Variants in SMYD3 observed in about 807,000 individuals in gnomAD.
SMYD3 encodes histone-lysine N-methyltransferase SMYD3.
Under a neutral mutation model 57.7 loss-of-function variants are expected in SMYD3, and 36 were observed. The ratio of observed to expected loss-of-function variants is 0.62; its 90% CI spans 0.48 to 0.82. The LOEUF (loss-of-function observed/expected upper bound fraction) is 0.82. SMYD3 is among the 40% of genes least tolerant of loss of function. The probability of loss-of-function intolerance (pLI) is 0.00; values close to 1 mark genes in which losing one functional copy is unlikely to be tolerated. For missense variants in SMYD3, 515 were observed against 538.8 expected (o/e 0.96, Z 0.44); for synonymous variants, 211 against 195.0 (o/e 1.08, Z -0.68).
At chr1:246,150,250 A>G (rs2061920512) in intron 5 of SMYD3, among the ~76,000 whole-genome samples, 1 of 152,222 alleles carries the variant, frequency 6.6e-6, no homozygotes, top group African/African-American at 2.4e-5. Flanking sequence ...CTTGTGTACT[A>G]TAGACTATAA....
intron 5 of SMYD3, among the ~76,000 whole-genome samples, chr1:246,273,135 CTTT>C (rs71299006): frequency 3.7e-5 from 4 of 107,604 alleles, no homozygotes; most frequent in East Asian, 3.1e-4. Context: ...TCCCTGTTTT[CTTT>C]TTTTTTTTTT....
At chr1:246,174,040 T>C (rs2062390950) in intron 5 of SMYD3, among the ~76,000 whole-genome samples, 2 of 152,104 alleles carry the variant, frequency 1.3e-5, no homozygotes, top group South Asian at 2.1e-4. Flanking sequence ...AAACTCCTTA[T>C]GTCAAGCAAT....
chr1:245,835,413 C>T (rs1342721450), intron 10 of SMYD3, among the ~76,000 whole-genome samples: 2 of 152,028 alleles, frequency 1.3e-5, no homozygotes, highest in East Asian at 1.9e-4. Context: ...CCACCGTGCC[C>T]GGCCCCTGAG....
At chr1:246,319,003 T>C (rs555997175) in intron 5 of SMYD3, among the ~76,000 whole-genome samples, 1 of 152,312 alleles carries the variant, frequency 6.6e-6, no homozygotes, top group South Asian at 2.1e-4. Flanking sequence ...TCATTAAAAA[T>C]CCAAACAATG....
intron 5 of SMYD3, among the ~76,000 whole-genome samples, chr1:246,081,140 C>T (rs1001708977): frequency 1.3e-5 from 2 of 152,214 alleles, no homozygotes; most frequent in African/African-American, 4.8e-5. Flanking sequence ...GAAAGATTTA[C>T]ATAGCGTCCA....
At chr1:245,978,082 C>G (rs952533678) in intron 5 of SMYD3, among the ~76,000 whole-genome samples, 1 of 152,220 alleles carries the variant, frequency 6.6e-6, no homozygotes, top group South Asian at 2.1e-4. Flanking sequence ...TACACCAGCA[C>G]GCCTGGCTCT....
chr1:246,004,590 C>T (rs2059137887), intron 5 of SMYD3, among the ~76,000 whole-genome samples: 1 of 152,242 alleles, frequency 6.6e-6, no homozygotes, highest in Non-Finnish European at 1.5e-5. Context: ...GGCTGGCTCC[C>T]TCACCAAAGG....
intron 2 of SMYD3, among the ~76,000 whole-genome samples, chr1:246,352,749 C>T (rs529365853): frequency 6.6e-6 from 1 of 152,336 alleles, no homozygotes; most frequent in South Asian, 2.1e-4. Flanking sequence ...TCCTGCTACT[C>T]ATTCTAATCA....
intron 10 of SMYD3, among the ~76,000 whole-genome samples, chr1:245,830,730 T>C (rs2049786703): frequency 6.6e-6 from 1 of 152,170 alleles, no homozygotes; most frequent in Non-Finnish European, 1.5e-5. Flanking sequence ...CACCCACTAA[T>C]AAGATTTACA....
chr1:245,805,247 A>C (rs565030899), intron 10 of SMYD3, among the ~76,000 whole-genome samples: 1 of 152,120 alleles, frequency 6.6e-6, no homozygotes, highest in South Asian at 2.1e-4. Context: ...TCATAATCAA[A>C]TGTTGATAAT....
At chr1:246,170,215 A>G (rs1042432269) in intron 5 of SMYD3, among the ~76,000 whole-genome samples, 1 of 152,096 alleles carries the variant, frequency 6.6e-6, no homozygotes, top group Non-Finnish European at 1.5e-5. Flanking sequence ...AGAATTTAAC[A>G]CAATGATTTT....
intron 10 of SMYD3, among the ~76,000 whole-genome samples, chr1:245,801,417 T>C: frequency 6.6e-6 from 1 of 152,200 alleles, no homozygotes; most frequent in East Asian, 1.9e-4. Flanking sequence ...TAACTAAACT[T>C]ACTTCTTGTC....
chr1:246,004,261 A>C (rs1377323227), intron 5 of SMYD3, among the ~76,000 whole-genome samples: 2 of 152,180 alleles, frequency 1.3e-5, no homozygotes, highest in Admixed American at 1.3e-4. Flanking sequence ...CTCATTTCTG[A>C]TTTGTTTTAT....
At chr1:246,412,956 G>A (rs2067001958) in intron 1 of SMYD3, among the ~76,000 whole-genome samples, 1 of 151,974 alleles carries the variant, frequency 6.6e-6, no homozygotes, top group Admixed American at 6.6e-5. Flanking sequence ...CTAATTACCT[G>A]ATAAGGAAGG....
intron 8 of SMYD3, among the ~76,000 whole-genome samples, chr1:245,886,450 T>A (rs1386009783): frequency 6.6e-6 from 1 of 152,128 alleles, no homozygotes; most frequent in Non-Finnish European, 1.5e-5. Flanking sequence ...GTACAGCTAG[T>A]TTAGAGACCA....
chr1:246,481,607 T>TATATATATATATATATATATACAC (rs1156393004), intron 1 of SMYD3, among the ~76,000 whole-genome samples: 4 of 61,980 alleles, frequency 6.5e-5, no homozygotes, highest in African/African-American at 9.8e-5. Flanking sequence ...TATATATATA[T>TATATATATATATATATATATACAC]ACACATACAT....
intron 1 of SMYD3, among the ~76,000 whole-genome samples, chr1:246,433,132 C>T (rs958049226): frequency 6.6e-6 from 1 of 152,106 alleles, no homozygotes; most frequent in African/African-American, 2.4e-5. Flanking sequence ...TTTCAGGATA[C>T]AAAATTGGTA....
chr1:245,924,999 A>G (rs1233171414), intron 7 of SMYD3, among the ~76,000 whole-genome samples: 1 of 149,584 alleles, frequency 6.7e-6, no homozygotes, highest in Non-Finnish European at 1.5e-5. Context: ...AAGAAGTCTC[A>G]TTAATTTACT....
At chr1:246,285,086 C>T (rs57875065) in intron 5 of SMYD3, among the ~76,000 whole-genome samples, 3,737 of 151,920 alleles carry the variant, frequency 0.025, 163 homozygotes, top group African/African-American at 0.085. Context: ...TACACTGAAC[C>T]GAATTTGTGG....
Sources: allele counts gnomAD v4.1 joint callset (sites outside exome capture counted in the v4.1 genomes callset), GRCh38; gene constraint gnomAD v4.1.1; transcripts MANE v1.5; gene names NCBI Gene and HGNC (gene_info 2026-07-23, HGNC 2026-07-21).